MOV10L1: variants seen among roughly 807,000 people sequenced by gnomAD.
MOV10L1 encodes the protein RNA helicase Mov10l1.
MOV10L1 carries 110 observed loss-of-function variants against 143.8 expected under a neutral mutation model. The ratio of observed to expected loss-of-function variants is 0.76; its 90% confidence interval spans 0.66 to 0.90. MOV10L1 has a LOEUF of 0.90. MOV10L1 is among the 40% of genes least tolerant of loss of function. The pLI is 0.00. For missense variants in MOV10L1, 1,406 were observed against 1,526.8 expected (o/e 0.92, Z 1.32); for synonymous variants, 593 against 581.1 (o/e 1.02, Z -0.29).
intron 13 of MOV10L1, among the ~76,000 whole-genome samples, chr22:50,131,238 A>G (rs2340599): frequency 0.26 from 39,319 of 151,884 alleles, 5,305 homozygotes; most frequent in Admixed American, 0.36. Context: ...CTTTTTTGCC[A>G]TTTGTACAAA....
chr22:50,113,917 T>A, intron 6 of MOV10L1, 129 bp downstream of exon 6: 1 of 807,148 alleles, frequency 1.2e-6, no homozygotes, highest in Non-Finnish European at 1.7e-6. Context: ...CTTTTCTTTT[T>A]TTTTTTTTTT....
intron 19 of MOV10L1, 56 bp from the exon 20 acceptor site, chr22:50,149,559 C>T (rs2063239346): frequency 2.6e-6 from 4 of 1,552,732 alleles, no homozygotes; most frequent in African/African-American, 2.7e-5. Context: ...GTGTCAGAGG[C>T]ATCAATTGCT....
At chr22:50,120,989 C>T (rs949847967) in intron 10 of MOV10L1, among the ~76,000 whole-genome samples, 1 of 152,240 alleles carries the variant, frequency 6.6e-6, no homozygotes, top group African/African-American at 2.4e-5. Context: ...ACAGAGCCAG[C>T]AGGGCAAGGG....
chr22:50,109,324 A>C (rs1195979898), intron 5 of MOV10L1, among the ~76,000 whole-genome samples: 1 of 152,038 alleles, frequency 6.6e-6, no homozygotes, highest in Non-Finnish European at 1.5e-5. Context: ...CAGGAATTTG[A>C]GACCAGCCTG....
At chr22:50,127,592 C>T (rs1299501618) in intron 12 of MOV10L1, among the ~76,000 whole-genome samples, 3 of 152,178 alleles carry the variant, frequency 2.0e-5, no homozygotes, top group Non-Finnish European at 4.4e-5. Context: ...AGGAAACTCA[C>T]CCTACCAGGG....
At chr22:50,151,005 G>A (rs2063286407) in intron 21 of MOV10L1, 106 bp downstream of exon 21, 3 of 1,443,136 alleles carry the variant, frequency 2.1e-6, no homozygotes, top group East Asian at 4.8e-5. Context: ...CTCCATCCGT[G>A]GGCAGAGTGC....
intron 2 of MOV10L1, chr22:50,092,900 T>G (rs973235908): frequency 3.3e-5 from 5 of 152,116 alleles, no homozygotes; most frequent in Non-Finnish European, 7.3e-5. Flanking sequence ...TTTTTCTTTT[T>G]GTTTTTGTTT....
At position 50,158,534 on chromosome 22, in the gene MOV10L1, G is replaced by A. The variant is rs1038714644; in HGVS notation, c.3216+328G>A. ...CTCTAACCCAGTGTTTCTCAAAGGG[G>A]GCACTTTGGGTATATTTGAATGGGA... is the stretch of plus-strand genomic sequence containing the variant. On this transcript the variant is annotated intron_variant, in intron 23 of 26. Coordinates refer to ENST00000262794, the MANE Select transcript of MOV10L1 (RefSeq NM_018995.3). This position sits in a 1 kb window ranked among gnomAD's most constrained non-coding sequence, Gnocchi z 5.0. The A allele has an allele frequency of 1.4e-5, 4 of 282,744 alleles. No homozygotes were observed. Among genetic ancestry groups the A allele is most frequent in the Non-Finnish European group, 2.7e-5 (4 of 149,734 alleles). The allele number at this position is 282,744 out of a possible 1,614,324, so 17.5% of individuals were successfully genotyped here.
chr22:50,111,432 C>T (rs918047744), intron 5 of MOV10L1, among the ~76,000 whole-genome samples: 2 of 143,902 alleles, frequency 1.4e-5, no homozygotes, highest in African/African-American at 5.2e-5. Context: ...ATGACAGCTT[C>T]TGGCTGAGTT....
At chr22:50,146,945 C>G in intron 19 of MOV10L1, 2 of 930,514 alleles carry the variant, frequency 2.1e-6, no homozygotes, top group South Asian at 1.5e-5. Flanking sequence ...AGGTTTCAGA[C>G]TAGCCACTGT....
Position 50,134,619 on chromosome 22 carries a change from A to G in MOV10L1, c.2059A>G (p.Thr687Ala). 6.2e-7 allele frequency: 1 copy of G among 1,614,138 alleles called. No homozygotes were observed. The highest frequency in any genetic ancestry group is 8.5e-7 in the Non-Finnish European group (1 of 1,179,986). ...AGACACCAAAAGCAGTGGACAGTCC[A>G]CCAGCAAAAAGGTAGTGCTCAGCAA... ...AQDTKSSGQSTSKKNRKTMTD... is the reference protein window; with the variant it reads ...AQDTKSSGQSASKKNRKTMTD... The change falls in exon 15 of 27, where the codon ACC becomes GCC. Residue 687 changes from threonine to alanine, a missense_variant. By Grantham distance (58) the Thr-to-Ala change is moderately conservative. Transcript: ENST00000262794.
chr22:50,118,935 T>C (rs2062257592), intron 9 of MOV10L1, among the ~76,000 whole-genome samples: 1 of 152,156 alleles, frequency 6.6e-6, no homozygotes, highest in African/African-American at 2.4e-5. Context: ...TTTAACTCTT[T>C]GGGGCACAGT....
chr22:50,142,127 G>C lies in MOV10L1; in HGVS notation c.2117G>C (p.Arg706Thr). Residue 706 changes from arginine to threonine, a missense_variant, in exon 16 of 27, where the codon AGG (arginine) becomes ACG (threonine). Physicochemically the swap from Arg to Thr is moderately conservative, Grantham distance 71. Transcript: ENST00000262794. ...TDQAEHGTEE[R>T]RVGDKDLPVL... ...CAAGCTGAGCATGGAACAGAGGAGA[G>C]GCGTGTTGGTGACAAGGACCTGCCG... 1 of 1,613,656 alleles carries C rather than the reference G, an allele frequency of 6.2e-7. No individual in the cohort carries two copies. Among genetic ancestry groups the C allele is most frequent in the Non-Finnish European group, 8.5e-7 (1 of 1,179,816 alleles).
chr22:50,145,930 G>T, intron 19 of MOV10L1, 120 bp downstream of exon 19: 1 of 1,455,926 alleles, frequency 6.9e-7, no homozygotes, highest in Non-Finnish European at 9.3e-7. Context: ...GGGAGGCAGG[G>T]CTGTGGGCGA....
intron 18 of MOV10L1, 52 bp from the exon 19 acceptor site, chr22:50,145,637 T>C: frequency 1.7e-5 from 28 of 1,602,730 alleles, no homozygotes; most frequent in Non-Finnish European, 2.3e-5. Context: ...CCTTTTGGAA[T>C]TCTGCTTAAT....
chr22:50,143,957 G>T, intron 17 of MOV10L1, 140 bp from the exon 18 acceptor site: 1 of 1,101,034 alleles, frequency 9.1e-7, no homozygotes, highest in Non-Finnish European at 1.3e-6. Flanking sequence ...CGTGGCCCAG[G>T]TCTCAGTGTG....
At position 50,097,026 on chromosome 22, in the gene MOV10L1, A is replaced by T. The variant is rs2062607086; in HGVS notation, c.283-2417A>T. Among the ~76,000 whole-genome samples, 5 of 152,314 alleles carry T rather than the reference A, an allele frequency of 3.3e-5. No homozygotes were observed. The South Asian group carries it at 1.0e-3, about 32-fold the overall frequency. On this transcript the variant is annotated intron_variant, in intron 2 of 26. Coordinates refer to ENST00000262794, the MANE Select transcript of MOV10L1 (RefSeq NM_018995.3). ...TGCATGTACTTCTGATGTCACACTC[A>T]AGATACCATTGACTAATCCAAGATT... is the stretch of plus-strand genomic sequence containing the variant.
chr22:50,143,278 T>C (rs2272835), intron 17 of MOV10L1, 57 bp downstream of exon 17: 382,851 of 1,555,994 alleles, frequency 0.25, 48,908 homozygotes, highest in Admixed American at 0.4. Flanking sequence ...ATGTGTCGTC[T>C]GTGTCTTCAG....
chr22:50,150,959 A>G lies in MOV10L1; in HGVS notation c.2892+60A>G, dbSNP rs778959064. ...GCTAAGCAGACACAGGCTCCAGGGC[A>G]GTCGAGCAGCTCACTCTTCTGTCCA... On this transcript the variant is annotated intron_variant, in intron 21 of 26. Coordinates refer to ENST00000262794, the MANE Select transcript of MOV10L1 (RefSeq NM_018995.3). The G allele has an allele frequency of 5.4e-4, 860 of 1,598,034 alleles. 1 individual carries two copies. The highest frequency in any genetic ancestry group is 6.7e-4 in the Non-Finnish European group (784 of 1,170,362).
Sources: gnomAD v4.1 joint callset for allele counts (sites outside exome capture counted in the v4.1 genomes callset) on GRCh38, gnomAD v4.1.1 for gene constraint, Gnocchi (gnomAD v3.1) non-coding constraint, MANE v1.5 for transcripts, NCBI Gene and HGNC (gene_info 2026-07-23, HGNC 2026-07-21) for gene names.